RAB3GAP2: variants seen among roughly 807,000 people sequenced by gnomAD.
RAB3GAP2 encodes rab3 GTPase-activating protein non-catalytic subunit.
In RAB3GAP2, 87 loss-of-function variants were observed where a neutral mutation model predicts 185.3. The ratio of observed to expected loss-of-function variants is 0.47; its 90% CI spans 0.39 to 0.56. The LOEUF (loss-of-function observed/expected upper bound fraction) is 0.56. Among genes scored for constraint, RAB3GAP2 ranks in the 20% least tolerant of loss-of-function variants. The pLI is 0.00. For synonymous variants in RAB3GAP2, 554 were observed against 576.1 expected (o/e 0.96, Z 0.55); for missense variants, 1,492 against 1,638.2 (o/e 0.91, Z 1.54).
chr1:220,226,570 G>A (rs1055140860), intron 2 of RAB3GAP2, among the ~76,000 whole-genome samples: 3 of 152,126 alleles, frequency 2.0e-5, no homozygotes, highest in Non-Finnish European at 2.9e-5. Context: ...AGTTAGTATA[G>A]AGGAAGATCT....
intron 1 of RAB3GAP2, chr1:220,254,528 G>A (rs1558172347): frequency 1.1e-5 from 17 of 1,612,920 alleles, no homozygotes; most frequent in South Asian, 8.8e-5. Flanking sequence ...GAGTACCATC[G>A]GAAAGCTGTG....
chr1:220,193,251 C>A lies in RAB3GAP2; in HGVS notation c.1259G>T (p.Arg420Leu), dbSNP rs571851313. The A allele has an allele frequency of 6.2e-7, 1 of 1,613,938 alleles. No homozygotes were observed. The highest frequency in any genetic ancestry group is 8.5e-7 in the Non-Finnish European group (1 of 1,179,910). The change falls in exon 13 of 35, where the codon CGC becomes CTC. Residue 420 changes from arginine (R) to leucine (L), a missense_variant. Arg to Leu is a moderately radical substitution (Grantham distance 102). Coordinates refer to ENST00000358951, the MANE Select transcript of RAB3GAP2 (RefSeq NM_012414.4). The part of the protein sequence containing the change: ...LLDVARGIAI[R>L]MWKGYRDAQI... ...TTTGTAAGAAGTACCTTTCCACATG[C>A]GTATTGCAATTCCTCTAGCTACATC...
At chr1:220,257,370 T>A (rs1660050142) in intron 1 of RAB3GAP2, among the ~76,000 whole-genome samples, 1 of 148,466 alleles carries the variant, frequency 6.7e-6, no homozygotes, top group Non-Finnish European at 1.5e-5. Context: ...AGAGCAAGAC[T>A]CCATCTCAAA....
At chr1:220,260,995 T>C (rs967018208) in intron 1 of RAB3GAP2, among the ~76,000 whole-genome samples, 4 of 152,110 alleles carry the variant, frequency 2.6e-5, no homozygotes, top group Non-Finnish European at 5.9e-5. Flanking sequence ...GACAGCACAG[T>C]ACTGAGGTTT....
chr1:220,185,056 A>G (rs971784213), intron 18 of RAB3GAP2, among the ~76,000 whole-genome samples: 1 of 152,156 alleles, frequency 6.6e-6, no homozygotes, highest in Admixed American at 6.5e-5. Flanking sequence ...AAAAGTCACA[A>G]CTAGATGACA....
At chr1:220,163,539 T>G (rs959259312) in intron 27 of RAB3GAP2, among the ~76,000 whole-genome samples, 1 of 151,302 alleles carries the variant, frequency 6.6e-6, no homozygotes, top group Admixed American at 6.6e-5. Context: ...ATTTTTTATA[T>G]TTTTAGTAGA....
intron 1 of RAB3GAP2, among the ~76,000 whole-genome samples, chr1:220,245,704 C>A (rs539897175): frequency 6.6e-6 from 1 of 152,102 alleles, no homozygotes; most frequent in South Asian, 2.1e-4. Flanking sequence ...TAGGCTCCAC[C>A]TCTGGGGGCA....
intron 16 of RAB3GAP2, 80 bp from the exon 17 acceptor site, chr1:220,189,847 C>T: frequency 8.1e-7 from 1 of 1,242,016 alleles, no homozygotes; most frequent in Non-Finnish European, 1.1e-6. Context: ...ATGAACATAT[C>T]TGTACTATCA....
intron 1 of RAB3GAP2, chr1:220,253,985 G>T: frequency 6.2e-7 from 1 of 1,613,722 alleles, no homozygotes; most frequent in African/African-American, 1.3e-5. Flanking sequence ...AAAAGGGCCC[G>T]GGTAGATCCT....
chr1:220,186,349 G>A (rs1319736462), intron 17 of RAB3GAP2, among the ~76,000 whole-genome samples: 1 of 152,162 alleles, frequency 6.6e-6, no homozygotes, highest in East Asian at 1.9e-4. Context: ...AGCACATTAA[G>A]TTGGGTTTTA....
chr1:220,164,832 A>C (rs777134756), intron 26 of RAB3GAP2, 33 bp from the exon 27 acceptor site: 1 of 1,582,056 alleles, frequency 6.3e-7, no homozygotes, highest in Non-Finnish European at 8.6e-7. Context: ...CGAGAAAGAA[A>C]AAGAGGTATC....
chr1:220,171,018 C>G lies in RAB3GAP2; in HGVS notation c.2680G>C (p.Glu894Gln). ...EYWKLLLKQL[E>Q]DCLILQTLLH... ...AGAGTCTGAAGTATGAGACAATCCT[C>G]CAGCTGTTTCAGAAGGAGTTTCCAG... The change falls in exon 24 of 35, where the codon GAG (glutamate) becomes CAG (glutamine). Residue 894 changes from glutamate to glutamine, a missense_variant. Physicochemically the swap from Glu to Gln is conservative, Grantham distance 29. Coordinates refer to ENST00000358951, the MANE Select transcript of RAB3GAP2 (RefSeq NM_012414.4). The G allele has an allele frequency of 6.2e-7, 1 of 1,614,088 alleles. No individual in the cohort carries two copies. The highest frequency in any genetic ancestry group is 8.5e-7 in the Non-Finnish European group (1 of 1,179,978).
intron 1 of RAB3GAP2, among the ~76,000 whole-genome samples, chr1:220,251,573 T>C (rs1659930464): frequency 6.6e-6 from 1 of 152,208 alleles, no homozygotes; most frequent in Admixed American, 6.5e-5. Flanking sequence ...ATTAAAGCCA[T>C]GATATACCAT....
chr1:220,232,955 T>C, intron 1 of RAB3GAP2, 92 bp from the exon 2 acceptor site: 1 of 969,562 alleles, frequency 1.0e-6, no homozygotes, highest in East Asian at 2.4e-5. Flanking sequence ...AACCAACCCC[T>C]GTATAATGCT....
At chr1:220,229,595 C>A (rs983889256) in intron 2 of RAB3GAP2, among the ~76,000 whole-genome samples, 21 of 152,178 alleles carry the variant, frequency 1.4e-4, no homozygotes, top group African/African-American at 4.8e-4. Context: ...TAGTAGATAT[C>A]TTTAAGGACA....
Position 220,253,529 on chromosome 1 carries a change from G to A in RAB3GAP2, c.115+18694C>T, listed in dbSNP as rs560493985. 6.4e-6 allele frequency: 10 copies of A among 1,550,654 alleles called. No individual in the cohort carries two copies. The Admixed American group carries it at 7.5e-5, about 12-fold the overall frequency. On this transcript the variant is annotated intron_variant, in intron 1 of 34. Transcript: ENST00000358951. The stretch of plus-strand genomic sequence containing the variant: ...GGGTAGAGAGTAGGGGGCGGTAGTC[G>A]GGGGTGGTGGGAGAAGGAGGAGGCG...
chr1:220,179,369 T>C (rs745591118), intron 21 of RAB3GAP2, among the ~76,000 whole-genome samples: 1 of 150,900 alleles, frequency 6.6e-6, no homozygotes, highest in Non-Finnish European at 1.5e-5. Context: ...CACTCAAATA[T>C]ATAAAGCAAA....
chr1:220,248,234 A>G (rs1228781769), intron 1 of RAB3GAP2, among the ~76,000 whole-genome samples: 3 of 152,216 alleles, frequency 2.0e-5, no homozygotes, highest in African/African-American at 7.2e-5. Context: ...ATAAGATGTC[A>G]GTCAAAGGGT....
chr1:220,157,398 G>A lies in RAB3GAP2; in HGVS notation c.3427C>T (p.Leu1143=), dbSNP rs148966579. The change falls in exon 31 of 35, where the codon CTG becomes TTG. Residue 1143 remains leucine (L), a synonymous_variant. Coordinates refer to ENST00000358951, the MANE Select transcript of RAB3GAP2 (RefSeq NM_012414.4). ...SVEGPISIVE[L]ALEQKHIHYP... is the part of the protein sequence containing the mutation. ...TGGATGTGCTTCTGTTCAAGGGCCA[G>A]TTCCACTATGGAGATTGGTCCTTCC... 1.4e-5 allele frequency: 22 copies of A among 1,613,960 alleles called. No individual in the cohort carries two copies. In the African/African-American group the frequency reaches 1.6e-4, roughly 12 times the overall value.
Sources: gnomAD v4.1 joint callset for allele counts (sites outside exome capture counted in the v4.1 genomes callset) on GRCh38, gnomAD v4.1.1 for gene constraint, MANE v1.5 for transcripts, NCBI Gene and HGNC (gene_info 2026-07-23, HGNC 2026-07-21) for gene names.